ADGRB3: variants seen among roughly 807,000 people sequenced by gnomAD.
ADGRB3 encodes the protein brain-specific angiogenesis inhibitor 3.
Under a neutral mutation model 193.4 loss-of-function variants are expected in ADGRB3, and 37 were observed. That is an observed-to-expected ratio of 0.19 (90% confidence interval 0.15 to 0.25). ADGRB3 has a LOEUF of 0.25. ADGRB3 is among the 10% of genes least tolerant of loss of function. The pLI, the probability that ADGRB3 is intolerant of heterozygous loss-of-function variation, is 1.00. For missense variants in ADGRB3, 1,637 were observed against 1,852.9 expected, an observed-to-expected ratio of 0.88 and a Z score of 2.14; for synonymous variants, 690 against 644.2, an observed-to-expected ratio of 1.07 and a Z score of -1.08.
chr6:68,788,331 T>C (rs1409941442), intron 3 of ADGRB3, among the ~76,000 whole-genome samples: 2 of 152,222 alleles, frequency 1.3e-5, no homozygotes, highest in Non-Finnish European at 2.9e-5. Context: ...TTTGAATGTG[T>C]CCCAGAGATT....
intron 3 of ADGRB3, among the ~76,000 whole-genome samples, chr6:68,865,589 A>T (rs1005902550): frequency 4.6e-5 from 7 of 152,106 alleles, no homozygotes; most frequent in African/African-American, 1.7e-4. Flanking sequence ...CATGGGTGGA[A>T]CACTCCATGC....
At chr6:69,256,133 G>A (rs1766764378) in intron 20 of ADGRB3, among the ~76,000 whole-genome samples, 1 of 151,454 alleles carries the variant, frequency 6.6e-6, no homozygotes, top group African/African-American at 2.4e-5. Flanking sequence ...AAGTCAGGTA[G>A]CGTGATGCCT....
chr6:69,311,943 T>G (rs968964323), intron 20 of ADGRB3, among the ~76,000 whole-genome samples: 5 of 151,856 alleles, frequency 3.3e-5, no homozygotes, highest in Non-Finnish European at 1.5e-5. Context: ...TACTGATAAC[T>G]ACTGCTCATA....
chr6:69,262,417 T>C (rs1033312729), intron 20 of ADGRB3, among the ~76,000 whole-genome samples: 2 of 152,012 alleles, frequency 1.3e-5, no homozygotes, highest in African/African-American at 4.8e-5. Flanking sequence ...CCCTTTGCTC[T>C]TATTAGTAAC....
intron 3 of ADGRB3, among the ~76,000 whole-genome samples, chr6:68,767,152 G>C (rs927400089): frequency 3.9e-5 from 6 of 152,064 alleles, no homozygotes; most frequent in African/African-American, 1.4e-4. Context: ...ATTTGTATAA[G>C]TATCTTTATA....
At chr6:69,065,741 A>T (rs1271873070) in intron 16 of ADGRB3, among the ~76,000 whole-genome samples, 1 of 143,978 alleles carries the variant, frequency 6.9e-6, no homozygotes, top group Non-Finnish European at 1.5e-5. Flanking sequence ...TATTAGAACA[A>T]GCCTGAACTT....
At chr6:68,737,706 C>T (rs148738425) in intron 3 of ADGRB3, among the ~76,000 whole-genome samples, 4 of 152,164 alleles carry the variant, frequency 2.6e-5, no homozygotes, top group South Asian at 4.2e-4. Flanking sequence ...GTAATCTCGT[C>T]GTTCTCAATG....
Position 69,014,040 on chromosome 6 carries a change from C to A in ADGRB3, c.1932C>A (p.Asn644Lys). The part of the protein sequence containing the change: ...SYIPASDGVQ[N>K]FFQIVSNLLD... ...CTTTTATCTAATTTAATTTACAGAA[C>A]TTCTTTCAAATAGTTAGCAACCTTC... is the stretch of plus-strand genomic sequence containing the variant. Residue 644 changes from asparagine to lysine, a missense_variant and splice_region_variant, in exon 12 of 32, where the codon AAC (asparagine) becomes AAA (lysine). Coordinates refer to ENST00000370598, the MANE Select transcript of ADGRB3 (RefSeq NM_001704.3). 6.4e-7 allele frequency: 1 copy of A among 1,567,714 alleles called. No homozygotes were observed. Among genetic ancestry groups the A allele is most frequent in the Non-Finnish European group, 8.7e-7 (1 of 1,146,480 alleles).
chr6:68,639,504 A>G, intron 3 of ADGRB3, 72 bp downstream of exon 3: 1 of 1,435,844 alleles, frequency 7.0e-7, no homozygotes, highest in Non-Finnish European at 9.2e-7. Context: ...GTGCTGTTTC[A>G]ACACACAGGC....
chr6:68,853,870 G>A (rs1004286079), intron 3 of ADGRB3, among the ~76,000 whole-genome samples: 24 of 152,246 alleles, frequency 1.6e-4, no homozygotes, highest in Non-Finnish European at 3.1e-4. Flanking sequence ...CAATATTATG[G>A]TTTTAATTTT....
chr6:68,858,300 CA>C (rs1353176016), intron 3 of ADGRB3, among the ~76,000 whole-genome samples: 1 of 151,930 alleles, frequency 6.6e-6, no homozygotes, highest in Non-Finnish European at 1.5e-5. Context: ...GTCAGGAGTT[CA>C]AGATCAGTCT....
Position 68,883,892 on chromosome 6 carries a change from A to T in ADGRB3, c.758-46667A>T, listed in dbSNP as rs556263902. Among the ~76,000 whole-genome samples, 12 of 152,316 alleles carry T rather than the reference A, an allele frequency of 7.9e-5. No homozygotes were observed. The South Asian group carries it at 2.5e-3, about 32-fold the overall frequency. On this transcript the variant is annotated intron_variant, in intron 3 of 31. Transcript: ENST00000370598. ...AGTTACAACTATATGTATCTCATCA[A>T]TTTAATTAAAATTGGAATTAATAAG...
At chr6:69,335,720 A>G (rs577600486) in intron 24 of ADGRB3, among the ~76,000 whole-genome samples, 6 of 152,194 alleles carry the variant, frequency 3.9e-5, no homozygotes, top group African/African-American at 1.4e-4. Flanking sequence ...GCAGGAAACT[A>G]ATTGGTCGAC....
At chr6:69,124,665 A>G (rs1268934190) in intron 17 of ADGRB3, among the ~76,000 whole-genome samples, 1 of 152,210 alleles carries the variant, frequency 6.6e-6, no homozygotes, top group Admixed American at 6.5e-5. Context: ...AAAAGTTAAG[A>G]CAATTATAAT....
At chr6:69,242,980 C>A (rs773283641) in intron 20 of ADGRB3, among the ~76,000 whole-genome samples, 76 of 151,840 alleles carry the variant, frequency 5.0e-4, no homozygotes, top group Non-Finnish European at 1.0e-3. Context: ...ATTTTGAAAA[C>A]ATAAATTTAG....
At chr6:68,807,632 C>G (rs150083682) in intron 3 of ADGRB3, among the ~76,000 whole-genome samples, 7 of 151,918 alleles carry the variant, frequency 4.6e-5, no homozygotes, top group African/African-American at 1.7e-4. Context: ...AGAAGCAGTA[C>G]GATAATGATA....
At chr6:69,344,091 A>G (rs540803045) in intron 26 of ADGRB3, among the ~76,000 whole-genome samples, 14 of 152,288 alleles carry the variant, frequency 9.2e-5, no homozygotes, top group Admixed American at 2.0e-4. Flanking sequence ...TTACAGCTCT[A>G]TGTCAGAGGG....
intron 20 of ADGRB3, among the ~76,000 whole-genome samples, chr6:69,244,808 GAGCACTTAACCCAGAGGCTGGTATC>G (rs1766458934): frequency 6.6e-6 from 1 of 151,988 alleles, no homozygotes; most frequent in Non-Finnish European, 1.5e-5. Flanking sequence ...AGTACGTATG[GAGCACTTAACCCAGAGGCTGGTATC>G]AGCACTTAAC....
At chr6:68,976,821 T>G (rs1046272259) in intron 10 of ADGRB3, among the ~76,000 whole-genome samples, 6 of 152,024 alleles carry the variant, frequency 3.9e-5, no homozygotes, top group Admixed American at 3.9e-4. Flanking sequence ...GTAAGTGGAC[T>G]GCACAGTTCA....
Sources: allele counts gnomAD v4.1 joint callset (sites outside exome capture counted in the v4.1 genomes callset), GRCh38; gene constraint gnomAD v4.1.1; transcripts MANE v1.5; gene names NCBI Gene and HGNC (gene_info 2026-07-23, HGNC 2026-07-21).